MTCL1: variants seen among roughly 807,000 people sequenced by gnomAD.
MTCL1 encodes the protein microtubule crosslinking factor 1.
MTCL1 carries 79 observed loss-of-function variants against 141.4 expected under a neutral mutation model. That is an observed-to-expected ratio of 0.56 (90% confidence interval 0.47 to 0.67). The LOEUF (loss-of-function observed/expected upper bound fraction) is 0.67. Among genes scored for constraint, MTCL1 ranks in the 30% least tolerant of loss-of-function variants. The probability of loss-of-function intolerance (pLI) is 0.00; values close to 1 mark genes in which losing one functional copy is unlikely to be tolerated. For missense variants in MTCL1, 2,177 were observed against 2,113.9 expected (o/e 1.03, Z -0.59); for synonymous variants, 914 against 875.8 (o/e 1.04, Z -0.77).
chr18:8,831,149 A>C, intron 16 of MTCL1: 1 of 989,372 alleles, frequency 1.0e-6, no homozygotes, highest in Non-Finnish European at 1.2e-6. Flanking sequence ...GAATGAAATC[A>C]GAGGTCTCTT....
In MTCL1 at chr18:8,812,909, G is replaced by A. The variant is rs561106814; in HGVS notation, c.2605-70G>A. 209 of 1,540,306 alleles carry A rather than the reference G, an allele frequency of 1.4e-4. No individual in the cohort carries two copies. The African/African-American group carries it at 2.6e-3, about 19-fold the overall frequency. On this transcript the variant is annotated intron_variant, in intron 11 of 16. Transcript: ENST00000359865. ...ATGTTTCCAGGGATCACATGTAAAT[G>A]TGCTGAGACTTCATCCTTGAATGCA...
chr18:8,727,873 T>TCC (rs1567947285), intron 4 of MTCL1, among the ~76,000 whole-genome samples: 16 of 147,752 alleles, frequency 1.1e-4, no homozygotes, highest in African/African-American at 4.0e-4. Context: ...TCTCTCTCTC[T>TCC]CCCTGCTTCC....
intron 8 of MTCL1, among the ~76,000 whole-genome samples, chr18:8,793,925 C>T (rs1351879363): frequency 6.6e-6 from 1 of 152,190 alleles, no homozygotes; most frequent in Non-Finnish European, 1.5e-5. Context: ...ACACATAAGC[C>T]CCCATGTTGA....
upstream of MTCL1, among the ~76,000 whole-genome samples, chr18:8,715,494 A>T (rs971565924): frequency 2.6e-5 from 4 of 152,224 alleles, no homozygotes; most frequent in African/African-American, 9.6e-5. Flanking sequence ...GTGGATATAC[A>T]TGTACATATA....
In MTCL1 at chr18:8,719,313, C is replaced by T. The variant is rs542322552; in HGVS notation, c.198+665C>T. The stretch of plus-strand genomic sequence containing the variant: ...TATTGCCGGAGTACTTGTGAAATCT[C>T]ATCTAGCCTTTCAGTGTGATAACAG... On this transcript the variant is annotated intron_variant, in intron 3 of 16. Coordinates refer to ENST00000359865, the Ensembl canonical transcript of MTCL1. Among the ~76,000 whole-genome samples the T allele has an allele frequency of 3.9e-5, 6 of 152,320 alleles. No individual in the cohort carries two copies. In the East Asian group the frequency reaches 1.2e-3, roughly 29 times the overall value.
rs1567945348 is a variant in MTCL1 at position 8,726,530 on chromosome 18, AGTGCGCATGCGCGCGC to A, written c.357+6036_357+6051del. ...GCGCAAGAGCGAGCGAGAGAGAGCG[AGTGCGCATGCGCGCGC>A]GCAACAAGCAATGTTCTGGTGTTTC... is the stretch of plus-strand genomic sequence containing the variant. On this transcript the variant is annotated intron_variant, in intron 4 of 16. Coordinates refer to ENST00000359865, the Ensembl canonical transcript of MTCL1. Among the ~76,000 whole-genome samples the A allele has an allele frequency of 4.4e-4, 50 of 112,890 alleles. 1 individual carries two copies. The highest frequency in any genetic ancestry group is 2.2e-3 in the African/African-American group (48 of 22,108). The allele number at this position is 112,890 out of a possible 152,430, so 74.1% of individuals were successfully genotyped here. A position where few individuals can be genotyped will look rare whatever the true frequency, so the allele number is the denominator to read the frequency against.
exon 13 of MTCL1, chr18:8,819,034 C>T: frequency 6.2e-7 from 1 of 1,614,284 alleles, no homozygotes; most frequent in Non-Finnish European, 8.5e-7. Flanking sequence ...ACGTTCGCCC[C>T]TTTCCCCACC....
At position 8,825,970 on chromosome 18, in the gene MTCL1, C is replaced by T. The variant is rs2077010801; in HGVS notation, c.4460C>T (p.Thr1487Ile). ...CTGGGCCCAGGCCAGGAAACAGGCA[C>T]CAATTCCCGAGGAAGGTCGCCTAGC... The change falls in exon 15 of 17, where the codon ACC becomes ATC. Residue 1487 changes from threonine to isoleucine, a missense_variant. Coordinates refer to ENST00000359865, the Ensembl canonical transcript of MTCL1. 6.3e-7 allele frequency: 1 copy of T among 1,597,374 alleles called. No individual in the cohort carries two copies. The highest frequency in any genetic ancestry group is 1.3e-5 in the African/African-American group (1 of 74,590).
chr18:8,748,257 T>G (rs2096351455), intron 4 of MTCL1, among the ~76,000 whole-genome samples: 1 of 152,174 alleles, frequency 6.6e-6, no homozygotes. Flanking sequence ...CAGGTAGGTC[T>G]TCTTGAAGAG....
At chr18:8,719,970 G>A (rs1382406740) in intron 3 of MTCL1, 1 of 181,324 alleles carries the variant, frequency 5.5e-6, no homozygotes, top group Non-Finnish European at 1.2e-5. Flanking sequence ...AATTGGCATG[G>A]TTGGTGATCA....
chr18:8,812,344 A>ATAC (rs1468549889), intron 11 of MTCL1, among the ~76,000 whole-genome samples: 1 of 151,870 alleles, frequency 6.6e-6, no homozygotes, highest in Non-Finnish European at 1.5e-5. Flanking sequence ...TTTTTGAAAG[A>ATAC]TACTTTTTCT....
intron 5 of MTCL1, 70 bp from the exon 5 acceptor site, chr18:8,783,460 G>T: frequency 1.4e-6 from 2 of 1,385,908 alleles, no homozygotes; most frequent in East Asian, 4.8e-5. Flanking sequence ...AGGTGTGAGG[G>T]GAATCATGAA....
exon 6 of MTCL1, chr18:8,783,946 G>C: frequency 6.2e-7 from 1 of 1,613,738 alleles, no homozygotes; most frequent in Non-Finnish European, 8.5e-7. Flanking sequence ...GCCGCCACCT[G>C]CAGTTTGTAG....
At position 8,739,426 on chromosome 18, in the gene MTCL1, G is replaced by A. The variant is rs145430562; in HGVS notation, c.357+18930G>A. Among the ~76,000 whole-genome samples the A allele has an allele frequency of 1.7e-3, 252 of 152,256 alleles. 2 individuals are homozygous for A. Among genetic ancestry groups the A allele is most frequent in the African/African-American group, 5.9e-3 (245 of 41,556 alleles). ...AAAGGTTTTCTGCTAGAATATGAAT[G>A]CGCTTCCCCCTAAGAGTTCCTGTGC... On this transcript the variant is annotated intron_variant, in intron 4 of 16. Transcript: ENST00000359865.
intron 4 of MTCL1, among the ~76,000 whole-genome samples, chr18:8,747,432 C>G (rs1478768633): frequency 6.6e-6 from 1 of 152,220 alleles, no homozygotes; most frequent in African/African-American, 2.4e-5. Context: ...GAGTCTGTTC[C>G]ATGCCTGGTG....
chr18:8,761,719 C>A (rs1474883681), intron 4 of MTCL1, among the ~76,000 whole-genome samples: 2 of 152,158 alleles, frequency 1.3e-5, no homozygotes, highest in African/African-American at 4.8e-5. Context: ...TCTTACATGG[C>A]GGCAGACAAG....
intron 4 of MTCL1, among the ~76,000 whole-genome samples, chr18:8,744,247 G>A (rs918653132): frequency 2.0e-5 from 3 of 152,330 alleles, no homozygotes; most frequent in Admixed American, 6.5e-5. Flanking sequence ...CCAGGTCTCC[G>A]GTTTCCCGGC....
At chr18:8,815,270 C>T (rs2076613952) in intron 12 of MTCL1, among the ~76,000 whole-genome samples, 1 of 151,648 alleles carries the variant, frequency 6.6e-6, no homozygotes, top group East Asian at 1.9e-4. Flanking sequence ...GGCACATATA[C>T]ACCATGGAAT....
At chr18:8,790,830 C>T (rs2075696300) in intron 7 of MTCL1, among the ~76,000 whole-genome samples, 1 of 152,112 alleles carries the variant, frequency 6.6e-6, no homozygotes, top group African/African-American at 2.4e-5. Context: ...GCCTGACCAA[C>T]ATGGTGAAAC....
Sources: gnomAD v4.1 joint callset for allele counts (sites outside exome capture counted in the v4.1 genomes callset) on GRCh38, gnomAD v4.1.1 for gene constraint, MANE v1.5 for transcripts, NCBI Gene and HGNC (gene_info 2026-07-23, HGNC 2026-07-21) for gene names.